Variants in TRABD2B observed in about 807,000 individuals in gnomAD.
TRABD2B encodes metalloprotease TIKI2.
Under a neutral mutation model 40.1 loss-of-function variants are expected in TRABD2B, and 14 were observed. The ratio of observed to expected loss-of-function variants is 0.35; its 90% CI spans 0.23 to 0.55. TRABD2B has a LOEUF of 0.55. Ranked by LOEUF, TRABD2B falls within the 20% of genes least tolerant of loss-of-function variation. The pLI, the probability that TRABD2B is intolerant of heterozygous loss-of-function variation, is 0.90. For synonymous variants in TRABD2B, 263 were observed against 277.0 expected, an observed-to-expected ratio of 0.95 and a Z score of 0.50; for missense variants, 541 against 648.6, an observed-to-expected ratio of 0.83 and a Z score of 1.80.
intron 2 of TRABD2B, among the ~76,000 whole-genome samples, chr1:47,927,165 A>G (rs893259615): frequency 1.3e-5 from 2 of 152,174 alleles, no homozygotes; most frequent in Admixed American, 1.3e-4. Flanking sequence ...TGCATGAGTG[A>G]AGGTGAGGAC....
At chr1:47,800,090 C>T (rs1644802086) in intron 3 of TRABD2B, among the ~76,000 whole-genome samples, 1 of 152,088 alleles carries the variant, frequency 6.6e-6, no homozygotes, top group Non-Finnish European at 1.5e-5. Flanking sequence ...GGGGCTGCTC[C>T]AGCCAGTTGA....
At chr1:47,833,569 A>C (rs1367668703) in intron 2 of TRABD2B, among the ~76,000 whole-genome samples, 1 of 152,200 alleles carries the variant, frequency 6.6e-6, no homozygotes, top group Non-Finnish European at 1.5e-5. Context: ...TGGTAGCTGG[A>C]GTAATCTGGA....
At chr1:47,838,462 T>A (rs1645348687) in intron 2 of TRABD2B, among the ~76,000 whole-genome samples, 1 of 152,172 alleles carries the variant, frequency 6.6e-6, no homozygotes, top group Admixed American at 6.5e-5. Flanking sequence ...TCCTGCAGGC[T>A]CTGTGAGGCT....
rs144640328 is a variant in TRABD2B, at chr1:47,986,000, T to C, written c.666+8034A>G. ...TATGTGAGAGGGAGGGAGGGAGATA[T>C]CATACAGCTCAGCAACCCTGGTGCT... is the stretch of plus-strand genomic sequence containing the variant. On this transcript the variant is annotated intron_variant, in intron 2 of 6. Coordinates refer to ENST00000606738, the MANE Select transcript of TRABD2B (RefSeq NM_001194986.2). Among the ~76,000 whole-genome samples, 93 of 152,180 alleles carry C rather than the reference T, an allele frequency of 6.1e-4. No homozygotes were observed. In the Middle Eastern group the frequency reaches 0.02, roughly 33 times the overall value.
At chr1:47,919,441 G>T (rs1644872989) in intron 2 of TRABD2B, among the ~76,000 whole-genome samples, 1 of 152,244 alleles carries the variant, frequency 6.6e-6, no homozygotes, top group Non-Finnish European at 1.5e-5. Context: ...TACTATCCCT[G>T]TTGGGGGTAA....
At chr1:47,819,266 G>C (rs1254906878) in intron 2 of TRABD2B, 2 of 152,286 alleles carry the variant, frequency 1.3e-5, no homozygotes, top group African/African-American at 4.8e-5. Flanking sequence ...AGGGCGGGAG[G>C]ATCACGGCCC....
chr1:47,965,492 G>C (rs1050092638), intron 2 of TRABD2B, among the ~76,000 whole-genome samples: 1 of 151,966 alleles, frequency 6.6e-6, no homozygotes, highest in African/African-American at 2.4e-5. Context: ...GACTCACTTT[G>C]GCAATATCTG....
chr1:47,991,833 G>A (rs1244059567), intron 2 of TRABD2B, among the ~76,000 whole-genome samples: 1 of 152,192 alleles, frequency 6.6e-6, no homozygotes, highest in Non-Finnish European at 1.5e-5. Context: ...CATCACAGAT[G>A]TTCATATCAA....
intron 2 of TRABD2B, among the ~76,000 whole-genome samples, chr1:47,931,617 G>A (rs1343577157): frequency 4.6e-5 from 7 of 152,140 alleles, no homozygotes; most frequent in Non-Finnish European, 8.8e-5. Flanking sequence ...GAGACACCAC[G>A]TGGGGAGGGC....
intron 2 of TRABD2B, among the ~76,000 whole-genome samples, chr1:47,928,214 C>T (rs1205599039): frequency 6.6e-6 from 1 of 152,180 alleles, no homozygotes; most frequent in African/African-American, 2.4e-5. Context: ...GCCCAAGTAG[C>T]AGTGCAGTGC....
intron 2 of TRABD2B, among the ~76,000 whole-genome samples, chr1:47,850,213 T>G (rs1645529371): frequency 6.6e-6 from 1 of 152,164 alleles, no homozygotes; most frequent in Non-Finnish European, 1.5e-5. Flanking sequence ...GCTGGCCCAG[T>G]CCCTCTCAGC....
intron 2 of TRABD2B, among the ~76,000 whole-genome samples, chr1:47,850,022 T>A (rs1422394871): frequency 1.3e-5 from 2 of 152,132 alleles, no homozygotes; most frequent in South Asian, 2.1e-4. Context: ...CAGATCAAAT[T>A]CCCCTGCCTT....
chr1:47,901,687 G>A (rs1305971333), intron 2 of TRABD2B, among the ~76,000 whole-genome samples: 1 of 152,202 alleles, frequency 6.6e-6, no homozygotes, highest in Non-Finnish European at 1.5e-5. Flanking sequence ...ATTGATTACA[G>A]CCATGGGGGC....
chr1:47,930,014 A>G (rs557196098), intron 2 of TRABD2B, among the ~76,000 whole-genome samples: 1 of 152,176 alleles, frequency 6.6e-6, no homozygotes, highest in African/African-American at 2.4e-5. Context: ...CCACATACAT[A>G]CCAATTCTAC....
chr1:47,978,427 G>A (rs17103978), intron 2 of TRABD2B, among the ~76,000 whole-genome samples: 10,200 of 145,442 alleles, frequency 0.07, 381 homozygotes, highest in East Asian at 0.11. Flanking sequence ...GCCAAGGAGC[G>A]ATGATGGGGC....
At chr1:47,956,511 A>G (rs1272562912) in intron 2 of TRABD2B, among the ~76,000 whole-genome samples, 2 of 152,206 alleles carry the variant, frequency 1.3e-5, no homozygotes, top group East Asian at 3.8e-4. Context: ...CTACCCTAAG[A>G]CTGTGCTTTT....
At position 47,869,625 on chromosome 1, in the gene TRABD2B, G is replaced by T. The variant is rs565568735; in HGVS notation, c.667-68006C>A. 2.5e-3 allele frequency among the ~76,000 whole-genome samples: 388 copies of T among 152,262 alleles called. 4 individuals are homozygous for T. The highest frequency in any genetic ancestry group is 3.0e-3 in the Non-Finnish European group (203 of 68,022). ...GTGGAGTTGACCAGTTCTTGGCCAG[G>T]GTTACTTCTTCTTCATCAAGGGAGA... On this transcript the variant is annotated intron_variant, in intron 2 of 6. Transcript: ENST00000606738.
intron 2 of TRABD2B, among the ~76,000 whole-genome samples, chr1:47,951,160 G>A (rs1645337974): frequency 1.3e-5 from 2 of 152,210 alleles, no homozygotes; most frequent in Non-Finnish European, 2.9e-5. Flanking sequence ...GCCAAGCCAA[G>A]CGGGCAGCAG....
intron 2 of TRABD2B, among the ~76,000 whole-genome samples, chr1:47,964,435 A>C (rs1312082857): frequency 6.6e-6 from 1 of 152,206 alleles, no homozygotes; most frequent in Non-Finnish European, 1.5e-5. Flanking sequence ...CATCGTTTCC[A>C]AACTTTTTAC....
Sources: gnomAD v4.1 joint callset for allele counts (sites outside exome capture counted in the v4.1 genomes callset) on GRCh38, gnomAD v4.1.1 for gene constraint, MANE v1.5 for transcripts, NCBI Gene and HGNC (gene_info 2026-07-23, HGNC 2026-07-21) for gene names.